NOL6: variants seen among roughly 807,000 people sequenced by gnomAD.
NOL6 encodes the protein nucleolar RNA-associated protein.
In NOL6, 33 loss-of-function variants were observed where a neutral mutation model predicts 131.7. That is an observed-to-expected ratio of 0.25 (90% CI 0.19 to 0.33). The LOEUF is 0.33. Ranked by LOEUF, NOL6 falls within the 10% of genes least tolerant of loss-of-function variation. NOL6 has a pLI of 1.00. For synonymous variants in NOL6, 580 were observed against 605.7 expected (o/e 0.96, Z 0.62); for missense variants, 1,297 against 1,494.5 (o/e 0.87, Z 2.18).
intron 1 of NOL6, 43 bp downstream of exon 1, chr9:33,473,746 A>G (rs951778086): frequency 6.2e-7 from 1 of 1,607,006 alleles, no homozygotes; most frequent in Admixed American, 1.7e-5. Context: ...CAGCCAAGGG[A>G]GCGCACATTG....
At position 33,465,722 on chromosome 9, in the gene NOL6, C is replaced by A. The variant is rs774037885; in HGVS notation, c.2528+12G>T. On this transcript the variant is annotated intron_variant, in intron 19 of 25. Transcript: ENST00000297990. ...GCCTACAGACAGGAAGAAGCTGTGTCAGTGGCCTTACCCGTGCAGGGCACT... is the reference window on the plus strand; with the variant it reads ...GCCTACAGACAGGAAGAAGCTGTGTAAGTGGCCTTACCCGTGCAGGGCACT... The A allele has an allele frequency of 6.2e-6, 10 of 1,608,284 alleles. No individual in the cohort carries two copies. The highest frequency in any genetic ancestry group is 8.5e-6 in the Non-Finnish European group (10 of 1,176,520).
chr9:33,469,987 C>G, intron 4 of NOL6, 25 bp downstream of exon 4: 1 of 1,532,162 alleles, frequency 6.5e-7, no homozygotes, highest in Non-Finnish European at 8.8e-7. Flanking sequence ...TGGTGGGCCT[C>G]TATCCCCTAA....
At chr9:33,464,212 C>T (rs1282556256) in intron 21 of NOL6, 51 bp from the exon 22 acceptor site, 6 of 1,550,808 alleles carry the variant, frequency 3.9e-6, no homozygotes, top group Non-Finnish European at 5.2e-6. Context: ...TGTAAGACAC[C>T]CTCTACTCCC....
At position 33,466,738 on chromosome 9, in the gene NOL6, G is replaced by A. The variant is rs377623949; in HGVS notation, c.1951-29C>T. ...AGAGGGAGAAGACGGTCAGGAGGCT[G>A]GACCCTACAGAAGGCCAGCTTCACC... On this transcript the variant is annotated intron_variant, in intron 15 of 25. Transcript: ENST00000297990. The A allele has an allele frequency of 3.7e-6, 6 of 1,611,650 alleles. No homozygotes were observed. In the African/African-American group the frequency reaches 4.0e-5, roughly 11 times the overall value.
chr9:33,469,681 G>A lies in NOL6; in HGVS notation c.559-14C>T, dbSNP rs760145046. 21 of 1,601,062 alleles carry A rather than the reference G, an allele frequency of 1.3e-5. No homozygotes were observed. In the South Asian group the frequency reaches 2.1e-4, roughly 16 times the overall value. On this transcript the variant is annotated splice_polypyrimidine_tract_variant and intron_variant, in intron 4 of 25. Transcript: ENST00000297990. ...CTGTAGGATTTCCTGGAGGGGCCAG[G>A]GGAGAAGAGAAGGCCAGGCACATAA...
chr9:33,472,404 T>G lies in NOL6; in HGVS notation c.63A>C (p.Glu21Asp), dbSNP rs1174121286. ...RGATGEPEVM[E>D]PALEGTGKEG... ...CTTTGCCTGTGCCTTCCAGGGCTGG[T>G]TCCATCACCTGTGGCCAGTGAGGGA... Residue 21 changes from glutamate to aspartate, a missense_variant, in exon 2 of 26, where the codon GAA becomes GAC. Coordinates refer to ENST00000297990, the MANE Select transcript of NOL6 (RefSeq NM_022917.5). The G allele has an allele frequency of 6.2e-7, 1 of 1,613,740 alleles. No homozygotes were observed. Among genetic ancestry groups the G allele is most frequent in the South Asian group, 1.1e-5 (1 of 90,980 alleles).
chr9:33,473,753 A>G (rs770756918), intron 1 of NOL6, 36 bp downstream of exon 1: 1 of 1,609,986 alleles, frequency 6.2e-7, no homozygotes, highest in South Asian at 1.1e-5. Context: ...GGGAGCGCAC[A>G]TTGAGCCTCT....
At position 33,472,131 on chromosome 9, in the gene NOL6, G is replaced by C. The variant is rs749978088; in HGVS notation, c.262-11C>G. Reference sequence around the variant, plus strand: ...TAGTAGCTCCTCTACCTGTAAGAGAGGGTAGAAGACAGTCCATCAGCCTCA... The same window carrying C: ...TAGTAGCTCCTCTACCTGTAAGAGACGGTAGAAGACAGTCCATCAGCCTCA... On this transcript the variant is annotated splice_polypyrimidine_tract_variant and intron_variant, in intron 2 of 25. Transcript: ENST00000297990. 3.7e-6 allele frequency: 6 copies of C among 1,611,920 alleles called. No individual in the cohort carries two copies. Among genetic ancestry groups the C allele is most frequent in the Non-Finnish European group, 4.2e-6 (5 of 1,178,086 alleles).
chr9:33,465,056 C>T (rs778118092), intron 20 of NOL6, 80 bp from the exon 21 acceptor site: 68 of 1,464,930 alleles, frequency 4.6e-5, no homozygotes, highest in Non-Finnish European at 6.0e-5. Context: ...AGCTCAGACC[C>T]CCTGGTGTGG....
chr9:33,462,897 T>G, intron 25 of NOL6, 84 bp from the exon 26 acceptor site: 1 of 1,579,470 alleles, frequency 6.3e-7, no homozygotes, highest in Non-Finnish European at 8.6e-7. Context: ...GTGGGGGTGG[T>G]GGGGATAGAA....
Position 33,462,319 on chromosome 9 carries a change from T to C in NOL6, c.*345A>G, listed in dbSNP as rs1349170558. 2.9e-6 allele frequency: 2 copies of C among 693,260 alleles called. No individual in the cohort carries two copies. Among genetic ancestry groups the C allele is most frequent in the Non-Finnish European group, 5.3e-6 (2 of 373,968 alleles). The allele number at this position is 693,260 out of a possible 1,614,324, so 42.9% of individuals were successfully genotyped here. A position where few individuals can be genotyped will look rare whatever the true frequency, so the allele number is the denominator to read the frequency against. On this transcript the variant is annotated 3_prime_UTR_variant, in exon 26 of 26. Transcript: ENST00000297990. Reference sequence around the variant, plus strand: ...AGGCACACATCCCCTTCTCTGTTTCTGGAAGAAGACTAAGAAAGGAGTGGG... The same window carrying C: ...AGGCACACATCCCCTTCTCTGTTTCCGGAAGAAGACTAAGAAAGGAGTGGG...
chr9:33,468,304 T>A lies in NOL6; in HGVS notation c.1308+17A>T. 2.5e-6 allele frequency: 4 copies of A among 1,612,674 alleles called. No homozygotes were observed. The highest frequency in any genetic ancestry group is 3.4e-6 in the Non-Finnish European group (4 of 1,178,880). ...GCTGAGACATCAGGGGAACACAGAT[T>A]GGGGGCCCATTGGTACCTGGTGGTA... On this transcript the variant is annotated intron_variant, in intron 10 of 25. Transcript: ENST00000297990.
chr9:33,469,485 T>C lies in NOL6; in HGVS notation c.727+14A>G, dbSNP rs1230586650. On this transcript the variant is annotated intron_variant, in intron 5 of 25. Coordinates refer to ENST00000297990, the MANE Select transcript of NOL6 (RefSeq NM_022917.5). ...ATCCCATGCTATGCCCTCAGCCCAA[T>C]GTGTGCCTCTCACCACGCGGCCGCA... 6.3e-7 allele frequency: 1 copy of C among 1,598,508 alleles called. No individual in the cohort carries two copies. The highest frequency in any genetic ancestry group is 8.5e-7 in the Non-Finnish European group (1 of 1,172,582).
chr9:33,470,413 C>G, intron 3 of NOL6: 2 of 346,502 alleles, frequency 5.8e-6, no homozygotes, highest in Non-Finnish European at 1.0e-5. Flanking sequence ...ATTTTACGAG[C>G]CGGGCGTGGT....
intron 3 of NOL6, among the ~76,000 whole-genome samples, chr9:33,471,067 G>A (rs577843917): frequency 6.6e-6 from 1 of 152,302 alleles, no homozygotes; most frequent in African/African-American, 2.4e-5. Context: ...GAGGTCAGGA[G>A]TTCAAAACTA....
At position 33,465,092 on chromosome 9, in the gene NOL6, C is replaced by A. The variant is rs1299679104; in HGVS notation, c.2681+115G>T. 6.2e-6 allele frequency: 9 copies of A among 1,453,726 alleles called. No individual in the cohort carries two copies. In the African/African-American group the frequency reaches 8.4e-5, roughly 14 times the overall value. 90.1% of individuals were successfully genotyped at this position (1,453,726 alleles called of 1,614,324 possible). ...ATTGGCAGGGCAGGGCATCTTAGAA[C>A]CCCTTCTGCCACTTGCTCAACCACC... On this transcript the variant is annotated intron_variant, in intron 20 of 25. Coordinates refer to ENST00000297990, the MANE Select transcript of NOL6 (RefSeq NM_022917.5).
Position 33,468,724 on chromosome 9 carries a change from C to T in NOL6, c.1147+28G>A, listed in dbSNP as rs756157317. 3.1e-6 allele frequency: 5 copies of T among 1,613,888 alleles called. No individual in the cohort carries two copies. The African/African-American group carries it at 5.3e-5, about 17-fold the overall frequency. On this transcript the variant is annotated intron_variant, in intron 8 of 25. Transcript: ENST00000297990. ...AGGATTCCCAGGAGGAGTGGAGCCC[C>T]TGGCCTTTCCCCACCTAGTTGCCTC...
intron 15 of NOL6, 98 bp from the exon 16 acceptor site, chr9:33,466,807 G>T: frequency 6.4e-7 from 1 of 1,570,132 alleles, no homozygotes; most frequent in African/African-American, 1.3e-5. Flanking sequence ...CAGCACCGCC[G>T]CCTGCTGGAC....
chr9:33,468,172 G>A (rs1468878757), intron 10 of NOL6, 27 bp from the exon 11 acceptor site: 6 of 1,614,154 alleles, frequency 3.7e-6, no homozygotes, highest in Non-Finnish European at 5.1e-6. Flanking sequence ...GACCATCCCT[G>A]TGCCCTTCAT....
Sources: allele counts gnomAD v4.1 joint callset (sites outside exome capture counted in the v4.1 genomes callset), GRCh38; gene constraint gnomAD v4.1.1; transcripts MANE v1.5; gene names NCBI Gene and HGNC (gene_info 2026-07-23, HGNC 2026-07-21).